The following ANKRD30A variants were observed in gnomAD, a reference collection of about 807,000 sequenced individuals.
The protein encoded by ANKRD30A is ankyrin repeat domain 30A, also known as ankyrin repeat domain-containing protein 30A.
A neutral mutation model predicts 166.3 loss-of-function variants in ANKRD30A; 170 were observed. That is an observed-to-expected ratio of 1.02 (90% CI 0.90 to 1.16). The LOEUF is 1.16. ANKRD30A is among the 50% of genes most tolerant of loss of function. The pLI is 0.00. For missense variants in ANKRD30A, 1,630 were observed against 1,518.0 expected, an observed-to-expected ratio of 1.07 and a Z score of -1.23; for synonymous variants, 564 against 508.9, an observed-to-expected ratio of 1.11 and a Z score of -1.46.
rs1442539478 is a variant in ANKRD30A at position 37,193,059 on chromosome 10, T to C, written c.2513-5T>C. On this transcript the variant is annotated splice_region_variant and splice_polypyrimidine_tract_variant and intron_variant, in intron 25 of 35. Transcript: ENST00000361713. ...AATAAATTATATATGTCCCTTTTCT[T>C]TTAGAGTCTCCTGATAATGATGGTT... 3.1e-6 allele frequency: 5 copies of C among 1,609,602 alleles called. No homozygotes were observed. The highest frequency in any genetic ancestry group is 4.2e-6 in the Non-Finnish European group (5 of 1,177,280).
intron 13 of ANKRD30A, among the ~76,000 whole-genome samples, chr10:37,155,580 G>A (rs1048724603): frequency 2.0e-5 from 3 of 152,150 alleles, no homozygotes; most frequent in African/African-American, 7.2e-5. Context: ...ACATGGTGTA[G>A]CATTCTACGT....
intron 31 of ANKRD30A, among the ~76,000 whole-genome samples, chr10:37,206,245 A>G (rs760628850): frequency 3.3e-5 from 5 of 152,140 alleles, no homozygotes; most frequent in Non-Finnish European, 5.9e-5. Flanking sequence ...GTTTCTGAGA[A>G]GGAAACTTGA....
chr10:37,191,460 A>T (rs1272328373), intron 25 of ANKRD30A, among the ~76,000 whole-genome samples: 1 of 151,982 alleles, frequency 6.6e-6, no homozygotes, highest in Non-Finnish European at 1.5e-5. Flanking sequence ...GATATAAATT[A>T]TTATAATGTG....
At chr10:37,134,105 A>ATT in intron 5 of ANKRD30A, 52 bp downstream of exon 5, 1 of 1,595,344 alleles carries the variant, frequency 6.3e-7, no homozygotes, top group Non-Finnish European at 8.6e-7. Flanking sequence ...TGTTTCAGGT[A>ATT]GTTTTTGAAT....
At position 37,219,730 on chromosome 10, in the gene ANKRD30A, GCACA is replaced by G; in HGVS notation, c.4019_4022del (p.Ala1340ValfsTer10). On this transcript the variant is annotated frameshift_variant, in exon 34 of 36. Transcript: ENST00000361713. LOFTEE classifies it high-confidence loss of function. ...GTGGCTTCAACAGCAATTAGTTCAT[GCACA>G]TAAGAAAGCTGACAACAAAAGCAAG... 5 of 1,608,890 alleles carry G rather than the reference GCACA, an allele frequency of 3.1e-6. No homozygotes were observed. Among genetic ancestry groups the G allele is most frequent in the Non-Finnish European group, 4.2e-6 (5 of 1,176,952 alleles).
Position 37,215,641 on chromosome 10 carries a change from G to A in ANKRD30A, c.2870-540G>A, listed in dbSNP as rs1440247401. ...TTCCATTTTTTTTCTGTTTTTCAGG[G>A]ATTATCATCTTCTTTGCCTAATGTC... is the stretch of plus-strand genomic sequence containing the variant. On this transcript the variant is annotated intron_variant, in intron 31 of 35. Transcript: ENST00000361713. Among the ~76,000 whole-genome samples, 3 of 151,418 alleles carry A rather than the reference G, an allele frequency of 2.0e-5. No homozygotes were observed. In the Admixed American group the frequency reaches 2.0e-4, roughly 10 times the overall value.
At chr10:37,210,563 AC>A (rs1474554941) in intron 31 of ANKRD30A, among the ~76,000 whole-genome samples, 1 of 152,166 alleles carries the variant, frequency 6.6e-6, no homozygotes, top group African/African-American at 2.4e-5. Flanking sequence ...CAATGGTTGA[AC>A]TAATTTTCAC....
At position 37,134,573 on chromosome 10, in the gene ANKRD30A, T is replaced by C. The variant is rs1421520537; in HGVS notation, c.755+520T>C. Reference sequence around the variant, plus strand: ...ATCCCTCAGTCTTCATGGTGATCCATATGTAGATTTCAAAGTTATTACAGT... The same window carrying C: ...ATCCCTCAGTCTTCATGGTGATCCACATGTAGATTTCAAAGTTATTACAGT... On this transcript the variant is annotated intron_variant, in intron 5 of 35. Transcript: ENST00000361713. 3.3e-5 allele frequency among the ~76,000 whole-genome samples: 5 copies of C among 152,202 alleles called. No homozygotes were observed. The South Asian group carries it at 6.2e-4, about 19-fold the overall frequency.
the ANKRD30A span, among the ~76,000 whole-genome samples, chr10:37,254,413 G>C: frequency 6.6e-6 from 1 of 152,084 alleles, no homozygotes. Context: ...GCACACTATT[G>C]GGTGTTAAGT....
At chr10:37,160,612 T>A (rs1838776342) in intron 15 of ANKRD30A, among the ~76,000 whole-genome samples, 2 of 152,302 alleles carry the variant, frequency 1.3e-5, no homozygotes, top group East Asian at 3.9e-4. Flanking sequence ...CTTTCTCTTT[T>A]TTTTAAAAAA....
intron 29 of ANKRD30A, 135 bp from the exon 30 acceptor site, chr10:37,199,592 G>A (rs1425638197): frequency 1.4e-5 from 7 of 486,320 alleles, no homozygotes; most frequent in East Asian, 7.6e-5. Flanking sequence ...AGTAGTCATT[G>A]TAATCAACAA....
intron 34 of ANKRD30A, among the ~76,000 whole-genome samples, chr10:37,224,466 A>G (rs1177349756): frequency 6.6e-6 from 1 of 150,470 alleles, no homozygotes; most frequent in Non-Finnish European, 1.5e-5. Flanking sequence ...TGATACACAC[A>G]CACACACGTG....
the ANKRD30A span, among the ~76,000 whole-genome samples, chr10:37,242,482 T>G: frequency 6.6e-6 from 1 of 152,224 alleles, no homozygotes; most frequent in African/African-American, 2.4e-5. Context: ...CTCTTTCTCT[T>G]CAAACCTTCA....
chr10:37,231,449 C>T lies in ANKRD30A; in HGVS notation c.4186-12C>T. 1 of 1,585,732 alleles carries T rather than the reference C, an allele frequency of 6.3e-7. No individual in the cohort carries two copies. On this transcript the variant is annotated splice_polypyrimidine_tract_variant and intron_variant, in intron 34 of 35. Transcript: ENST00000361713. ...TAAAATACTAAGCATTTTCCTTTTG[C>T]AATCTTCACAGAACTCATGAGAGAC...
At chr10:37,152,001 T>C in intron 11 of ANKRD30A, 59 bp from the exon 12 acceptor site, 3 of 1,451,238 alleles carry the variant, frequency 2.1e-6, no homozygotes, top group Non-Finnish European at 2.8e-6. Flanking sequence ...TGTATATGTT[T>C]TTAAAATTTA....
chr10:37,200,003 C>T (rs1200895), intron 30 of ANKRD30A, among the ~76,000 whole-genome samples: 3 of 151,696 alleles, frequency 2.0e-5, no homozygotes, highest in Admixed American at 6.6e-5. Flanking sequence ...TTAAGAAGCC[C>T]GTGTGGTACA....
downstream of ANKRD30A, among the ~76,000 whole-genome samples, chr10:37,236,645 G>A (rs982650211): frequency 4.6e-5 from 7 of 152,160 alleles, no homozygotes; most frequent in African/African-American, 1.4e-4. Context: ...AATTATTTGT[G>A]CATGGGTTTA....
chr10:37,233,175 A>G (rs957686035), downstream of ANKRD30A, among the ~76,000 whole-genome samples: 1 of 152,124 alleles, frequency 6.6e-6, no homozygotes, highest in African/African-American at 2.4e-5. Flanking sequence ...ATTGCTGCCA[A>G]ATGGGAACAA....
At chr10:37,199,177 A>G (rs1841408140) in intron 29 of ANKRD30A, among the ~76,000 whole-genome samples, 1 of 152,156 alleles carries the variant, frequency 6.6e-6, no homozygotes, top group Middle Eastern at 3.2e-3. Context: ...CCTAAAACAT[A>G]TACATACCCA....
Sources: gnomAD v4.1 joint callset for allele counts (sites outside exome capture counted in the v4.1 genomes callset) on GRCh38, gnomAD v4.1.1 for gene constraint, MANE v1.5 for transcripts, NCBI Gene and HGNC (gene_info 2026-07-23, HGNC 2026-07-21) for gene names.